Variants in RCSD1 observed in about 807,000 individuals in gnomAD.
The protein encoded by RCSD1 is RCSD domain containing 1.
In RCSD1, 26 loss-of-function variants were observed where a neutral mutation model predicts 42.5. That is an observed-to-expected ratio of 0.61 (90% CI 0.45 to 0.85). The LOEUF is 0.85. Ranked by LOEUF, RCSD1 falls within the 40% of genes least tolerant of loss-of-function variation. The pLI, the probability that RCSD1 is intolerant of heterozygous loss-of-function variation, is 0.00. For missense variants in RCSD1, 571 were observed against 528.3 expected, an observed-to-expected ratio of 1.08 and a Z score of -0.79; for synonymous variants, 220 against 212.2, an observed-to-expected ratio of 1.04 and a Z score of -0.32.
chr1:167,702,812 TAA>T (rs1313909267), intron 6 of RCSD1, among the ~76,000 whole-genome samples: 1 of 151,210 alleles, frequency 6.6e-6, no homozygotes, highest in African/African-American at 2.5e-5. Context: ...CATAAATACA[TAA>T]ATAAAAATTT....
chr1:167,693,329 C>T (rs1659421445), intron 4 of RCSD1, among the ~76,000 whole-genome samples: 1 of 152,250 alleles, frequency 6.6e-6, no homozygotes, highest in Admixed American at 6.5e-5. Context: ...CTTCGGGCAT[C>T]TGGGACCACC....
At position 167,639,165 on chromosome 1, in the gene RCSD1, A is replaced by T. The variant is rs1229388; in HGVS notation, c.6+8736A>T. Among the ~76,000 whole-genome samples the T allele has an allele frequency of 9.5e-3, 1,442 of 151,988 alleles. 16 individuals are homozygous for T. Among genetic ancestry groups the T allele is most frequent in the African/African-American group, 0.033 (1,382 of 41,462 alleles). On this transcript the variant is annotated intron_variant, in intron 1 of 6. Transcript: ENST00000367854. The stretch of plus-strand genomic sequence containing the variant: ...CCGGGAAGCGGAGGTTGCAGTGAGC[A>T]GAGATCACGCCACTGCACTCCAGCC...
intron 1 of RCSD1, 50 bp downstream of exon 1, chr1:167,630,479 G>A: frequency 6.7e-7 from 1 of 1,499,534 alleles, no homozygotes; most frequent in Middle Eastern, 1.7e-4. Flanking sequence ...GCGGTGTATC[G>A]GGCGCCCCTT....
chr1:167,632,316 A>C (rs1883577), intron 1 of RCSD1, among the ~76,000 whole-genome samples: 105,550 of 152,084 alleles, frequency 0.69, 37,106 homozygotes, highest in East Asian at 0.81. Context: ...CTTGAAGAAA[A>C]GGATTGGAGA....
intron 1 of RCSD1, among the ~76,000 whole-genome samples, chr1:167,644,460 CAAG>C (rs1245864554): frequency 4.6e-5 from 7 of 151,912 alleles, no homozygotes; most frequent in African/African-American, 1.7e-4. Context: ...GCCTGGGCAA[CAAG>C]AGTGAAACTC....
intron 1 of RCSD1, among the ~76,000 whole-genome samples, chr1:167,642,710 G>A (rs1209675628): frequency 1.3e-5 from 2 of 152,104 alleles, no homozygotes; most frequent in African/African-American, 2.4e-5. Context: ...AATTGTCTAC[G>A]CCTTTTGATT....
chr1:167,640,068 C>A (rs1413907537), intron 1 of RCSD1, among the ~76,000 whole-genome samples: 1 of 152,160 alleles, frequency 6.6e-6, no homozygotes, highest in Non-Finnish European at 1.5e-5. Flanking sequence ...AAAGAGATGC[C>A]TGGCACTCCA....
intron 6 of RCSD1, among the ~76,000 whole-genome samples, chr1:167,699,698 G>C (rs1395331913): frequency 6.6e-6 from 1 of 152,166 alleles, no homozygotes; most frequent in African/African-American, 2.4e-5. Context: ...GTTTGGATTG[G>C]ATGTACCCAC....
intron 1 of RCSD1, among the ~76,000 whole-genome samples, chr1:167,655,774 A>G (rs1658411582): frequency 6.6e-6 from 1 of 152,202 alleles, no homozygotes; most frequent in African/African-American, 2.4e-5. Flanking sequence ...TTTGCTTCTC[A>G]TACATAAGAC....
At chr1:167,676,342 T>C (rs763536834) in intron 1 of RCSD1, among the ~76,000 whole-genome samples, 3 of 152,152 alleles carry the variant, frequency 2.0e-5, no homozygotes, top group Admixed American at 2.0e-4. Context: ...AGAAGGGCGG[T>C]GCCACTGCCA....
intron 1 of RCSD1, among the ~76,000 whole-genome samples, chr1:167,672,016 C>T (rs1019460932): frequency 2.0e-5 from 3 of 152,178 alleles, no homozygotes; most frequent in African/African-American, 7.2e-5. Flanking sequence ...TGTGCTCCTG[C>T]TGTGCATTTC....
chr1:167,683,716 T>C (rs1659142245), intron 1 of RCSD1, among the ~76,000 whole-genome samples, 184 bp from the exon 2 acceptor site: 1 of 152,190 alleles, frequency 6.6e-6, no homozygotes, highest in Non-Finnish European at 1.5e-5. Flanking sequence ...CCAAGAGCAT[T>C]GTAGATATTC....
At chr1:167,658,951 T>C (rs778611985) in intron 1 of RCSD1, among the ~76,000 whole-genome samples, 3 of 152,094 alleles carry the variant, frequency 2.0e-5, no homozygotes, top group Non-Finnish European at 4.4e-5. Flanking sequence ...ATTTAATCGA[T>C]GTTGCCAGAT....
intron 1 of RCSD1, among the ~76,000 whole-genome samples, chr1:167,641,082 A>G (rs998522661): frequency 3.9e-5 from 6 of 152,174 alleles, no homozygotes; most frequent in African/African-American, 9.7e-5. Context: ...TAGCCCGTAT[A>G]TACAGCTGTG....
intron 4 of RCSD1, among the ~76,000 whole-genome samples, chr1:167,690,704 C>T (rs1003155844): frequency 7.9e-5 from 12 of 151,992 alleles, no homozygotes; most frequent in East Asian, 1.9e-4. Flanking sequence ...AAGAGTCTTA[C>T]GGGAAAGGAC....
intron 1 of RCSD1, chr1:167,640,581 G>C (rs1454361444): frequency 1.3e-5 from 2 of 152,408 alleles, no homozygotes; most frequent in Non-Finnish European, 2.9e-5. Context: ...ACAGGGTCTT[G>C]CTCTGTTGCC....
chr1:167,690,224 T>C (rs1659344358), intron 4 of RCSD1, 104 bp downstream of exon 4: 6 of 979,556 alleles, frequency 6.1e-6, no homozygotes, highest in Non-Finnish European at 9.4e-6. Context: ...ATGTGTCACC[T>C]GCATAATTGG....
At chr1:167,661,480 T>G (rs1658540459) in intron 1 of RCSD1, among the ~76,000 whole-genome samples, 1 of 152,250 alleles carries the variant, frequency 6.6e-6, no homozygotes, top group Non-Finnish European at 1.5e-5. Context: ...ACACCATTTC[T>G]GCTCTCTGCT....
Position 167,683,954 on chromosome 1 carries a change from G to T in RCSD1, c.61G>T (p.Ala21Ser). 1 of 1,614,166 alleles carries T rather than the reference G, an allele frequency of 6.2e-7. No individual in the cohort carries two copies. The highest frequency in any genetic ancestry group is 1.1e-5 in the South Asian group (1 of 91,086). The stretch of plus-strand genomic sequence containing the variant: ...GGACAACTCGGCGTCCCCCTCGGTG[G>T]CCCAGCTGGCCGGGCGGTTTAGGGA... ...NVDNSASPSV[A>S]QLAGRFREQA... is the part of the protein sequence containing the mutation. The change falls in exon 2 of 7, where the codon GCC becomes TCC. Residue 21 changes from alanine to serine, a missense_variant. Transcript: ENST00000367854.
Sources: allele counts gnomAD v4.1 joint callset (sites outside exome capture counted in the v4.1 genomes callset), GRCh38; gene constraint gnomAD v4.1.1; transcripts MANE v1.5; gene names NCBI Gene and HGNC (gene_info 2026-07-23, HGNC 2026-07-21).